The following KEL variants were observed in gnomAD, a reference collection of about 807,000 sequenced individuals.
The protein encoded by KEL is Kell metallo-endopeptidase (Kell blood group).
Under a neutral mutation model 99.5 loss-of-function variants are expected in KEL, and 96 were observed. The ratio of observed to expected loss-of-function variants is 0.97; its 90% CI spans 0.82 to 1.14. KEL has a LOEUF of 1.14. Among genes scored for constraint, KEL ranks in the 50% most tolerant of loss-of-function variants. KEL has a pLI of 0.00. For synonymous variants in KEL, 355 were observed against 354.8 expected, an observed-to-expected ratio of 1.00 and a Z score of -0.01; for missense variants, 926 against 924.2, an observed-to-expected ratio of 1.00 and a Z score of -0.03.
At chr7:142,956,281 C>T (rs1796827980) in intron 6 of KEL, among the ~76,000 whole-genome samples, 1 of 152,146 alleles carries the variant, frequency 6.6e-6, no homozygotes, top group South Asian at 2.1e-4. Context: ...CCTGGCTCTT[C>T]CTTTCCATTT....
chr7:142,956,416 G>A (rs1174826310), intron 6 of KEL, among the ~76,000 whole-genome samples: 1 of 151,650 alleles, frequency 6.6e-6, no homozygotes, highest in East Asian at 1.9e-4. Flanking sequence ...ATTGTCATAA[G>A]AGTTGGATGG....
At chr7:142,943,963 G>C in intron 13 of KEL, 80 bp from the exon 14 acceptor site, 1 of 1,214,418 alleles carries the variant, frequency 8.2e-7, no homozygotes, top group Non-Finnish European at 1.2e-6. Context: ...GGGACCATTT[G>C]ACCCCAAACA....
At chr7:142,946,440 T>C (rs1167556047) in intron 10 of KEL, 123 bp from the exon 11 acceptor site, 3 of 771,388 alleles carry the variant, frequency 3.9e-6, no homozygotes, top group African/African-American at 3.4e-5. Context: ...CTGGGTTTCA[T>C]CTGTTTACTA....
chr7:142,958,175 T>A, intron 5 of KEL, 129 bp downstream of exon 5: 1 of 1,409,900 alleles, frequency 7.1e-7, no homozygotes, highest in Admixed American at 1.7e-5. Flanking sequence ...TCCATCTCCA[T>A]CTCCCTCCTA....
intron 10 of KEL, chr7:142,946,638 AC>A (rs1180802878): frequency 7.7e-6 from 3 of 391,114 alleles, no homozygotes; most frequent in African/African-American, 6.1e-5. Flanking sequence ...CCAAACTCAT[AC>A]CTCGGCAGTC....
Position 142,954,293 on chromosome 7 carries a change from G to T in KEL, c.815C>A (p.Ser272Tyr). 1 of 1,614,088 alleles carries T rather than the reference G, an allele frequency of 6.2e-7. No individual in the cohort carries two copies. The highest frequency in any genetic ancestry group is 8.5e-7 in the Non-Finnish European group (1 of 1,179,980). The change falls in exon 8 of 19, where the codon TCT (serine) becomes TAT (tyrosine). Residue 272 changes from serine to tyrosine, a missense_variant. Physicochemically the swap from Ser to Tyr is moderately radical, Grantham distance 144 (BLOSUM62 -2). Transcript: ENST00000355265. ...TGAAGTGATGGAGATTGACAAGGAA[G>T]AGTGTTCTTGCACCTTGCTTGGGTC... ...GGDPSKVQEH[S>Y]SLSISITSRL...
chr7:142,961,156 C>A (rs1462681329), intron 3 of KEL, 52 bp from the exon 4 acceptor site: 1 of 1,598,342 alleles, frequency 6.3e-7, no homozygotes, highest in South Asian at 1.1e-5. Context: ...GACAAGGGCT[C>A]CCCCAAGGGG....
chr7:142,953,065 C>G (rs1185818542), intron 9 of KEL, among the ~76,000 whole-genome samples: 1 of 152,196 alleles, frequency 6.6e-6, no homozygotes, highest in African/African-American at 2.4e-5. Flanking sequence ...TAAGCCTGCT[C>G]ACTGCCATGT....
At chr7:142,961,698 G>A (rs1242726636) in intron 2 of KEL, 97 bp downstream of exon 2, 1 of 1,300,546 alleles carries the variant, frequency 7.7e-7, no homozygotes, top group Non-Finnish European at 1.1e-6. Context: ...TTTGGGTGAG[G>A]ATGAAGCAGA....
intron 3 of KEL, 52 bp downstream of exon 3, chr7:142,961,308 C>A: frequency 1.2e-6 from 2 of 1,611,862 alleles, no homozygotes; most frequent in Non-Finnish European, 1.7e-6. Flanking sequence ...GGGCCTGGGC[C>A]CCAGGGCTGG....
In KEL at chr7:142,957,727, G is replaced by A. The variant is rs1562963980; in HGVS notation, c.672+100C>T. ...TAGGGTTGTTTCCTATATCACACAG[G>A]TGTCCTCTCTTCCCAACCTGCAACC... On this transcript the variant is annotated intron_variant, in intron 6 of 18. Coordinates refer to ENST00000355265, the MANE Select transcript of KEL (RefSeq NM_000420.3). The A allele has an allele frequency of 9.8e-6, 14 of 1,422,132 alleles. No individual in the cohort carries two copies. In the East Asian group the frequency reaches 1.4e-4, roughly 14 times the overall value. The allele number at this position is 1,422,132 out of a possible 1,614,324, so 88.1% of individuals were successfully genotyped here. A position where few individuals can be genotyped will look rare whatever the true frequency, so the allele number is the denominator to read the frequency against.
Position 142,953,936 on chromosome 7 carries a change from G to A in KEL, c.945C>T (p.Asp315=). 1.9e-6 allele frequency: 3 copies of A among 1,614,192 alleles called. No individual in the cohort carries two copies. Among genetic ancestry groups the A allele is most frequent in the Non-Finnish European group, 2.5e-6 (3 of 1,180,020 alleles). ...DQLKEMAPAI[D]WLSCLQATFT... is the part of the protein sequence containing the mutation. ...ATGTCGCTTGCAAGCAGGACAACCA[G>A]TCGATGGCGGGGGCCATTTCCTTAG... The change falls in exon 9 of 19, where the codon GAC becomes GAT. Residue 315 remains aspartate (D), a synonymous_variant. Transcript: ENST00000355265.
At chr7:142,954,703 G>A (rs950141302) in intron 6 of KEL, among the ~76,000 whole-genome samples, 176 bp from the exon 7 acceptor site, 3 of 152,152 alleles carry the variant, frequency 2.0e-5, no homozygotes, top group Non-Finnish European at 4.4e-5. Flanking sequence ...GGCATGAGAA[G>A]AAGAGTCCAG....
At chr7:142,954,671 A>T in intron 6 of KEL, 144 bp from the exon 7 acceptor site, 1 of 784,704 alleles carries the variant, frequency 1.3e-6, no homozygotes, top group Non-Finnish European at 2.3e-6. Context: ...GTACAAAGAA[A>T]GGGAGGGATT....
At chr7:142,956,230 T>C (rs1027923733) in intron 6 of KEL, among the ~76,000 whole-genome samples, 3 of 152,214 alleles carry the variant, frequency 2.0e-5, no homozygotes, top group African/African-American at 7.2e-5. Context: ...AGAAACAGCA[T>C]GAACTATCAT....
At chr7:142,953,265 C>T in intron 9 of KEL, 1 of 789,888 alleles carries the variant, frequency 1.3e-6, no homozygotes, top group Non-Finnish European at 1.5e-6. Flanking sequence ...CCTTGATTTC[C>T]TGACACCAGC....
chr7:142,953,845 T>C lies in KEL; in HGVS notation c.1036A>G (p.Met346Val), dbSNP rs749646771. 3.1e-6 allele frequency: 5 copies of C among 1,614,080 alleles called. No homozygotes were observed. The South Asian group carries it at 3.3e-5, about 11-fold the overall frequency. Residue 346 changes from methionine to valine, a missense_variant, in exon 9 of 19, where the codon ATG (methionine) becomes GTG (valine). Transcript: ENST00000355265. ...VVHDVEYLKN[M>V]SQLVEEMLLK... is the part of the protein sequence containing the mutation. ...AGCATCTCCTCCACCAGTTGTGACATGTTTTTCAAATATTCCACGTCATGG... is the reference window on the plus strand; with the variant it reads ...AGCATCTCCTCCACCAGTTGTGACACGTTTTTCAAATATTCCACGTCATGG...
In KEL at chr7:142,960,930, A is replaced by G; in HGVS notation, c.398T>C (p.Leu133Pro). The stretch of plus-strand genomic sequence containing the variant: ...ATCTTCCACCCTGCTTTCCTCACCC[A>G]GTATTCTCCGAAGTCGGTTTTTGTT... ...TKNKNRLRRI[L>P]EVQNSWHPGS... The change falls in exon 4 of 19, where the codon CTG (leucine) becomes CCG (proline). Residue 133 changes from leucine (L) to proline (P), a missense_variant and splice_region_variant. Leu to Pro is a moderately conservative substitution (Grantham distance 98, BLOSUM62 -3). Coordinates refer to ENST00000355265, the MANE Select transcript of KEL (RefSeq NM_000420.3). 2 of 1,614,168 alleles carry G rather than the reference A, an allele frequency of 1.2e-6. No individual in the cohort carries two copies. The highest frequency in any genetic ancestry group is 1.7e-6 in the Non-Finnish European group (2 of 1,179,998).
Position 142,956,431 on chromosome 7 carries a change from A to G in KEL, c.672+1396T>C, listed in dbSNP as rs989733350. 3.3e-5 allele frequency among the ~76,000 whole-genome samples: 5 copies of G among 151,370 alleles called. 1 individual carries two copies. The highest frequency in any genetic ancestry group is 2.0e-4 in the Admixed American group (3 of 15,228). The stretch of plus-strand genomic sequence containing the variant: ...ATTGTCATAAGAGTTGGATGGCCTC[A>G]GTAGCTCTTTTTTTTTTTTCTATTA... On this transcript the variant is annotated intron_variant, in intron 6 of 18. Coordinates refer to ENST00000355265, the MANE Select transcript of KEL (RefSeq NM_000420.3).
Sources: allele counts gnomAD v4.1 joint callset (sites outside exome capture counted in the v4.1 genomes callset), GRCh38; gene constraint gnomAD v4.1.1; transcripts MANE v1.5; gene names NCBI Gene and HGNC (gene_info 2026-07-23, HGNC 2026-07-21).